IL18: variants seen among roughly 807,000 people sequenced by gnomAD.
The protein encoded by IL18 is interleukin 18, also known as interleukin-18.
In IL18, 8 loss-of-function variants were observed where a neutral mutation model predicts 14.2. The ratio of observed to expected loss-of-function variants is 0.56; its 90% CI spans 0.33 to 1.01. The LOEUF (loss-of-function observed/expected upper bound fraction) is 1.01. Among genes scored for constraint, IL18 ranks in the 50% least tolerant of loss-of-function variants. The pLI is 0.03. For missense variants in IL18, 166 were observed against 231.1 expected (o/e 0.72, Z 1.83); for synonymous variants, 67 against 71.0 (o/e 0.94, Z 0.28).
At chr11:112,157,720 G>C (rs1030553557) in intron 1 of IL18, among the ~76,000 whole-genome samples, 1 of 152,040 alleles carries the variant, frequency 6.6e-6, no homozygotes, top group African/African-American at 2.4e-5. Context: ...TGTGAACAAA[G>C]GCTAGGCAGC....
intron 1 of IL18, among the ~76,000 whole-genome samples, chr11:112,162,013 G>T (rs544252893): frequency 6.6e-6 from 1 of 152,268 alleles, no homozygotes; most frequent in South Asian, 2.1e-4. Context: ...TAACTTTTCA[G>T]TTCTATAAAT....
At chr11:112,146,560 G>A (rs1866346598) in intron 5 of IL18, among the ~76,000 whole-genome samples, 1 of 152,192 alleles carries the variant, frequency 6.6e-6, no homozygotes, top group Non-Finnish European at 1.5e-5. Flanking sequence ...CTGATCTCAA[G>A]TGAGACACTC....
intron 5 of IL18, among the ~76,000 whole-genome samples, chr11:112,145,764 GA>G (rs1259688889): frequency 6.6e-6 from 1 of 151,924 alleles, no homozygotes; most frequent in Non-Finnish European, 1.5e-5. Context: ...AAGAAAAAAA[GA>G]AAAAAAGAAA....
At chr11:112,153,076 A>G (rs1175110327) in intron 3 of IL18, 3 of 152,728 alleles carry the variant, frequency 2.0e-5, no homozygotes, top group African/African-American at 7.2e-5. Flanking sequence ...AATTCATCAT[A>G]AATGCCATGG....
intron 5 of IL18, among the ~76,000 whole-genome samples, chr11:112,147,083 A>T (rs1414426369): frequency 3.9e-5 from 6 of 151,988 alleles, no homozygotes. Context: ...GGCATATGCC[A>T]CCACGCCCAG....
At position 112,150,055 on chromosome 11, in the gene IL18, C is replaced by A. The variant is rs527277500; in HGVS notation, c.226+17G>T. Reference sequence around the variant, plus strand: ...AAGTAGCTAGTCATTTCTATGTTTGCGAATTAAAAAAAATACCTCTACAGT... The same window carrying A: ...AAGTAGCTAGTCATTTCTATGTTTGAGAATTAAAAAAAATACCTCTACAGT... On this transcript the variant is annotated intron_variant, in intron 4 of 5. Transcript: ENST00000280357. The A allele has an allele frequency of 6.3e-7, 1 of 1,585,226 alleles. No homozygotes were observed. The highest frequency in any genetic ancestry group is 8.6e-7 in the Non-Finnish European group (1 of 1,169,154).
intron 1 of IL18, 78 bp from the exon 2 acceptor site, chr11:112,155,139 A>G: frequency 1.2e-6 from 1 of 804,878 alleles, no homozygotes; most frequent in African/African-American, 1.7e-5. Flanking sequence ...CTTCAAGTTC[A>G]GTGGTCAGTT....
At chr11:112,163,278 A>C (rs911284195) in intron 1 of IL18, among the ~76,000 whole-genome samples, 1 of 152,192 alleles carries the variant, frequency 6.6e-6, no homozygotes, top group South Asian at 2.1e-4. Flanking sequence ...ACCATGGGCA[A>C]ATTTTTTGTT....
chr11:112,148,449 GCTT>G (rs1258667743), intron 5 of IL18, among the ~76,000 whole-genome samples, 151 bp downstream of exon 5: 1 of 152,092 alleles, frequency 6.6e-6, no homozygotes, highest in East Asian at 1.9e-4. Context: ...ATGGTTCTCT[GCTT>G]CTTGTTATTT....
intron 1 of IL18, among the ~76,000 whole-genome samples, chr11:112,157,310 T>C (rs1437329858): frequency 6.6e-6 from 1 of 152,142 alleles, no homozygotes; most frequent in Non-Finnish European, 1.5e-5. Context: ...CCAAGCAGTA[T>C]GGGCAGGAAT....
At chr11:112,155,127 A>C (rs1866511045) in intron 1 of IL18, 66 bp from the exon 2 acceptor site, 2 of 913,146 alleles carry the variant, frequency 2.2e-6, no homozygotes, top group Non-Finnish European at 3.5e-6. Flanking sequence ...ACTTTATACT[A>C]CCTTCAAGTT....
At chr11:112,145,707 C>G (rs1334043089) in intron 5 of IL18, among the ~76,000 whole-genome samples, 1 of 151,198 alleles carries the variant, frequency 6.6e-6, no homozygotes, top group African/African-American at 2.4e-5. Flanking sequence ...CCACTGCACT[C>G]TAGCCTGGGC....
chr11:112,161,144 T>C (rs766585663), intron 1 of IL18, among the ~76,000 whole-genome samples: 1 of 152,194 alleles, frequency 6.6e-6, no homozygotes, highest in Non-Finnish European at 1.5e-5. Flanking sequence ...TGACAATTTG[T>C]TCTTTAAAAC....
chr11:112,145,909 G>C (rs1314545063), intron 5 of IL18, among the ~76,000 whole-genome samples: 2 of 151,976 alleles, frequency 1.3e-5, no homozygotes, highest in Admixed American at 1.3e-4. Flanking sequence ...ACCACTCCCA[G>C]CCATCATAGG....
At chr11:112,149,472 A>AT (rs1866398975) in intron 4 of IL18, among the ~76,000 whole-genome samples, 1 of 151,842 alleles carries the variant, frequency 6.6e-6, no homozygotes, top group South Asian at 2.1e-4. Context: ...AAGAATGCAC[A>AT]TTCACTGCTT....
intron 1 of IL18, among the ~76,000 whole-genome samples, chr11:112,159,439 A>T (rs1362768017): frequency 6.6e-6 from 1 of 152,096 alleles, no homozygotes; most frequent in Non-Finnish European, 1.5e-5. Context: ...TTAAGAGTTG[A>T]TGAGGCTATA....
chr11:112,157,523 G>A (rs1473624670), intron 1 of IL18, among the ~76,000 whole-genome samples: 6 of 152,178 alleles, frequency 3.9e-5, no homozygotes, highest in Non-Finnish European at 8.8e-5. Flanking sequence ...TCTAGTGGGA[G>A]AGAAGAATCT....
At position 112,143,469 on chromosome 11, in the gene IL18, A is replaced by G; in HGVS notation, c.*127T>C. 1 of 605,284 alleles carries G rather than the reference A, an allele frequency of 1.7e-6. No homozygotes were observed. Among genetic ancestry groups the G allele is most frequent in the South Asian group, 2.0e-5 (1 of 49,946 alleles). 37.5% of individuals were successfully genotyped at this position (605,284 alleles called of 1,614,324 possible). A position where few individuals can be genotyped will look rare whatever the true frequency, so the allele number is the denominator to read the frequency against. On this transcript the variant is annotated 3_prime_UTR_variant, in exon 6 of 6. Coordinates refer to ENST00000280357, the MANE Select transcript of IL18 (RefSeq NM_001562.4). ...CTAATTTTTTGTATTTTTAGTAGAGATGAGGTTTCACCATGTTGGTCAGGC... is the reference window on the plus strand; with the variant it reads ...CTAATTTTTTGTATTTTTAGTAGAGGTGAGGTTTCACCATGTTGGTCAGGC...
At chr11:112,145,717 C>T (rs538483182) in intron 5 of IL18, among the ~76,000 whole-genome samples, 3 of 149,368 alleles carry the variant, frequency 2.0e-5, no homozygotes, top group East Asian at 2.0e-4. Context: ...CTAGCCTGGG[C>T]GACAGAGCGA....
Sources: gnomAD v4.1 joint callset for allele counts (sites outside exome capture counted in the v4.1 genomes callset) on GRCh38, gnomAD v4.1.1 for gene constraint, MANE v1.5 for transcripts, NCBI Gene and HGNC (gene_info 2026-07-23, HGNC 2026-07-21) for gene names.